IGFBP7: variants seen among roughly 807,000 people sequenced by gnomAD.
IGFBP7 encodes insulin-like growth factor-binding protein 7.
Under a neutral mutation model 29.4 loss-of-function variants are expected in IGFBP7, and 31 were observed. The observed-to-expected ratio is 1.05, with a 90% CI of 0.79 to 1.42. IGFBP7 has a LOEUF of 1.42. Ranked by LOEUF, IGFBP7 falls within the 40% of genes most tolerant of loss-of-function variation. IGFBP7 has a pLI of 0.00. For missense variants in IGFBP7, 393 were observed against 395.5 expected (o/e 0.99, Z 0.05); for synonymous variants, 172 against 174.9 (o/e 0.98, Z 0.13).
At chr4:57,065,641 T>G (rs113038245) in intron 1 of IGFBP7, 4 of 152,230 alleles carry the variant, frequency 2.6e-5, no homozygotes, top group African/African-American at 9.7e-5. Context: ...TGAAGGAGCA[T>G]CTCCAGTGGA....
intron 1 of IGFBP7, among the ~76,000 whole-genome samples, chr4:57,073,994 G>A (rs1352013179): frequency 6.6e-6 from 1 of 152,278 alleles, no homozygotes; most frequent in East Asian, 1.9e-4. Context: ...ACCAGCAAGC[G>A]AGCTTCCAAA....
intron 1 of IGFBP7, chr4:57,072,872 C>T (rs1234973945): frequency 4.6e-6 from 3 of 650,492 alleles, no homozygotes; most frequent in South Asian, 1.4e-5. Flanking sequence ...TTACAATGTA[C>T]CCATGGTGAA....
intron 2 of IGFBP7, among the ~76,000 whole-genome samples, chr4:57,034,004 C>T (rs935594830): frequency 1.9e-4 from 27 of 145,236 alleles, no homozygotes; most frequent in East Asian, 4.3e-4. Flanking sequence ...GAGCTGAGAT[C>T]GCGCCACTGC....
intron 1 of IGFBP7, among the ~76,000 whole-genome samples, chr4:57,072,035 G>A (rs1725064226): frequency 6.6e-6 from 1 of 151,762 alleles, no homozygotes; most frequent in South Asian, 2.1e-4. Context: ...ACATGTGAAG[G>A]TTTGTTACAT....
chr4:57,032,727 G>A (rs1723968263), intron 3 of IGFBP7, among the ~76,000 whole-genome samples, 175 bp from the exon 4 acceptor site: 1 of 152,160 alleles, frequency 6.6e-6, no homozygotes, highest in African/African-American at 2.4e-5. Context: ...ACCATATTTG[G>A]TTTGCTGAGG....
intron 2 of IGFBP7, among the ~76,000 whole-genome samples, chr4:57,039,787 G>A (rs1724175356): frequency 1.5e-5 from 2 of 136,758 alleles, no homozygotes; most frequent in African/African-American, 5.4e-5. Context: ...ACCATGCCCA[G>A]CTAATTAAAA....
chr4:57,083,529 G>A (rs909965598), intron 1 of IGFBP7, among the ~76,000 whole-genome samples: 5 of 152,144 alleles, frequency 3.3e-5, no homozygotes, highest in African/African-American at 1.2e-4. Context: ...GTTTACTACA[G>A]ATATTTAGTT....
At chr4:57,065,215 A>G (rs1182634244) in intron 1 of IGFBP7, among the ~76,000 whole-genome samples, 4 of 152,236 alleles carry the variant, frequency 2.6e-5, no homozygotes, top group Non-Finnish European at 5.9e-5. Flanking sequence ...CCCACAAGCT[A>G]TGGCTAAGAC....
intron 1 of IGFBP7, among the ~76,000 whole-genome samples, chr4:57,047,267 C>T (rs887033892): frequency 6.6e-6 from 1 of 152,216 alleles, no homozygotes; most frequent in South Asian, 2.1e-4. Flanking sequence ...AGTTCCCCTG[C>T]ACATGCTGTC....
chr4:57,097,496 T>C (rs1272744542), intron 1 of IGFBP7, among the ~76,000 whole-genome samples: 3 of 152,184 alleles, frequency 2.0e-5, no homozygotes, highest in African/African-American at 7.2e-5. Context: ...TGAGGCAGTA[T>C]TGTGTTTGGA....
At position 57,033,220 on chromosome 4, in the gene IGFBP7, T is replaced by A; in HGVS notation, c.677A>T (p.Lys226Met). Residue 226 changes from lysine to methionine, a missense_variant, in exon 3 of 5, where the codon AAG (lysine) becomes ATG (methionine). Coordinates refer to ENST00000295666, the MANE Select transcript of IGFBP7 (RefSeq NM_001553.3). ...LAIQTRGGPE[K>M]HEVTGWVLVS... Reference sequence around the variant, plus strand: ...CAGCACCCAGCCAGTTACTTCATGCTTTTCTGGGCCACCCCGGGTCTGAAT... The same window carrying A: ...CAGCACCCAGCCAGTTACTTCATGCATTTCTGGGCCACCCCGGGTCTGAAT... 1 of 1,613,882 alleles carries A rather than the reference T, an allele frequency of 6.2e-7. No individual in the cohort carries two copies. Among genetic ancestry groups the A allele is most frequent in the Non-Finnish European group, 8.5e-7 (1 of 1,179,748 alleles).
chr4:57,046,239 A>G (rs1216674652), intron 1 of IGFBP7, among the ~76,000 whole-genome samples: 1 of 152,094 alleles, frequency 6.6e-6, no homozygotes, highest in Non-Finnish European at 1.5e-5. Context: ...CTCAAGAACT[A>G]TCATCCCACA....
intron 1 of IGFBP7, among the ~76,000 whole-genome samples, chr4:57,051,338 G>T (rs546188262): frequency 6.6e-6 from 1 of 152,308 alleles, no homozygotes; most frequent in Admixed American, 6.5e-5. Flanking sequence ...TCTAGCACAC[G>T]GTCTCAGGGG....
intron 1 of IGFBP7, among the ~76,000 whole-genome samples, chr4:57,106,221 T>G (rs957670916): frequency 1.2e-4 from 18 of 152,130 alleles, no homozygotes; most frequent in African/African-American, 4.3e-4. Flanking sequence ...TTTTTAAAAT[T>G]TTTATTATTA....
chr4:57,039,640 A>ATT (rs1724170346), intron 2 of IGFBP7, among the ~76,000 whole-genome samples: 3 of 113,038 alleles, frequency 2.7e-5, no homozygotes, highest in Admixed American at 1.0e-4. Context: ...AGGAATTCAC[A>ATT]CTCTTTTTTT....
chr4:57,076,236 G>A (rs1244587441), intron 1 of IGFBP7, among the ~76,000 whole-genome samples: 2 of 152,166 alleles, frequency 1.3e-5, no homozygotes, highest in East Asian at 1.9e-4. Context: ...CCTCACCTGT[G>A]AATACCATCA....
chr4:57,055,431 T>G (rs976495924), intron 1 of IGFBP7, among the ~76,000 whole-genome samples: 6 of 152,162 alleles, frequency 3.9e-5, no homozygotes, highest in Admixed American at 2.0e-4. Context: ...GACAGGAAGG[T>G]GGAAAGTTAG....
chr4:57,072,078 A>G (rs1175114567), intron 1 of IGFBP7, among the ~76,000 whole-genome samples: 1 of 152,088 alleles, frequency 6.6e-6, no homozygotes, highest in Non-Finnish European at 1.5e-5. Flanking sequence ...TCTGTTGTAC[A>G]GATTGTTTCA....
chr4:57,080,671 A>G (rs1035206391), intron 1 of IGFBP7, among the ~76,000 whole-genome samples: 8 of 152,058 alleles, frequency 5.3e-5, no homozygotes, highest in African/African-American at 1.9e-4. Flanking sequence ...GGGACTACAG[A>G]TGTGCACCAC....
Sources: allele counts gnomAD v4.1 joint callset (sites outside exome capture counted in the v4.1 genomes callset), GRCh38; gene constraint gnomAD v4.1.1; transcripts MANE v1.5; gene names NCBI Gene and HGNC (gene_info 2026-07-23, HGNC 2026-07-21).